Variants in RBFOX1 observed in about 807,000 individuals in gnomAD.
The protein encoded by RBFOX1 is RNA binding protein fox-1 homolog 1.
Under a neutral mutation model 57.7 loss-of-function variants are expected in RBFOX1, and 8 were observed. The observed-to-expected ratio is 0.14, with a 90% CI of 0.08 to 0.25. RBFOX1 has a LOEUF of 0.25. RBFOX1 is among the 10% of genes least tolerant of loss of function. The probability of loss-of-function intolerance (pLI) is 1.00; values close to 1 mark genes in which losing one functional copy is unlikely to be tolerated. For missense variants in RBFOX1, 611 were observed against 548.5 expected, an observed-to-expected ratio of 1.11 and a Z score of -1.14; for synonymous variants, 326 against 222.4, an observed-to-expected ratio of 1.47 and a Z score of -4.15.
chr16:7,608,186 G>A (rs1468293049), intron 10 of RBFOX1, among the ~76,000 whole-genome samples: 1 of 152,136 alleles, frequency 6.6e-6, no homozygotes. Flanking sequence ...TTGACCTAGA[G>A]CCACTCCCTT....
intron 3 of RBFOX1, among the ~76,000 whole-genome samples, chr16:5,809,748 A>C (rs965566915): frequency 1.3e-5 from 2 of 152,228 alleles, no homozygotes; most frequent in Non-Finnish European, 2.9e-5. Context: ...TAGTTCAACC[A>C]TTGTGGAAGT....
chr16:6,311,070 G>C (rs28496008), intron 1 of RBFOX1, among the ~76,000 whole-genome samples: 1 of 152,000 alleles, frequency 6.6e-6, no homozygotes, highest in African/African-American at 2.4e-5. Flanking sequence ...GCCAAGGCGG[G>C]CAAATCACAA....
chr16:6,530,129 T>C (rs991715007), intron 2 of RBFOX1, among the ~76,000 whole-genome samples: 7 of 152,196 alleles, frequency 4.6e-5, no homozygotes, highest in Admixed American at 2.0e-4. Context: ...GTGGTGTTTT[T>C]CTTTCCTCCC....
At chr16:7,130,408 C>T (rs541477867) in intron 4 of RBFOX1, among the ~76,000 whole-genome samples, 7 of 152,228 alleles carry the variant, frequency 4.6e-5, no homozygotes, top group East Asian at 1.9e-4. Context: ...ATTCTCTGAG[C>T]GTATTCACAT....
chr16:6,888,565 G>C (rs1044874949), intron 3 of RBFOX1, among the ~76,000 whole-genome samples: 1 of 151,928 alleles, frequency 6.6e-6, no homozygotes, highest in South Asian at 2.1e-4. Flanking sequence ...TTTGTCCTCT[G>C]GGTAAAATAT....
intron 3 of RBFOX1, among the ~76,000 whole-genome samples, chr16:6,971,602 A>G (rs1031978977): frequency 1.3e-5 from 2 of 152,156 alleles, no homozygotes; most frequent in South Asian, 4.2e-4. Flanking sequence ...TGTTACATGG[A>G]ATATGGTGTA....
At chr16:6,553,821 C>T (rs1324277921) in intron 2 of RBFOX1, among the ~76,000 whole-genome samples, 1 of 152,076 alleles carries the variant, frequency 6.6e-6, no homozygotes, top group East Asian at 1.9e-4. Flanking sequence ...AGACAGCAAC[C>T]CGTGGATGGT....
At chr16:5,492,558 A>G (rs1322953804) in intron 2 of RBFOX1, among the ~76,000 whole-genome samples, 4 of 152,188 alleles carry the variant, frequency 2.6e-5, no homozygotes, top group South Asian at 4.1e-4. Context: ...GTGACAGAAC[A>G]TTTTAAGCAG....
chr16:7,511,248 G>T (rs2075003009), intron 4 of RBFOX1, among the ~76,000 whole-genome samples: 1 of 152,158 alleles, frequency 6.6e-6, no homozygotes. Context: ...TGAGCCAAAA[G>T]GTTTTGCAAA....
chr16:6,939,724 C>T (rs1389286009), intron 3 of RBFOX1, among the ~76,000 whole-genome samples: 1 of 151,984 alleles, frequency 6.6e-6, no homozygotes, highest in Non-Finnish European at 1.5e-5. Flanking sequence ...GTTGGCCGGG[C>T]TGGTCTCAGA....
intron 2 of RBFOX1, among the ~76,000 whole-genome samples, chr16:6,540,906 C>T (rs1209687871): frequency 6.6e-6 from 1 of 152,096 alleles, no homozygotes; most frequent in Non-Finnish European, 1.5e-5. Context: ...TGTCGTTTCT[C>T]TGACTTCTTG....
chr16:7,131,392 C>G (rs1269104754), intron 4 of RBFOX1, among the ~76,000 whole-genome samples: 1 of 103,388 alleles, frequency 9.7e-6, no homozygotes, highest in Non-Finnish European at 1.8e-5. Context: ...ATCATAGGTT[C>G]TGCTTAGTCA....
intron 3 of RBFOX1, among the ~76,000 whole-genome samples, chr16:6,714,276 C>A (rs1480429342): frequency 6.6e-6 from 1 of 152,096 alleles, no homozygotes; most frequent in Non-Finnish European, 1.5e-5. Flanking sequence ...TATAAATGAC[C>A]CAGTCTCAGG....
intron 6 of RBFOX1, among the ~76,000 whole-genome samples, chr16:7,583,982 G>C (rs1391620823): frequency 3.3e-5 from 5 of 152,192 alleles, no homozygotes; most frequent in African/African-American, 4.8e-5. Flanking sequence ...AGACGGGCTT[G>C]CCTGTACTTA....
At chr16:5,881,991 C>G (rs903187835) in intron 4 of RBFOX1, among the ~76,000 whole-genome samples, 4 of 152,190 alleles carry the variant, frequency 2.6e-5, no homozygotes, top group Non-Finnish European at 5.9e-5. Flanking sequence ...GGTTTATTAT[C>G]TTCTGAGTAT....
chr16:6,212,864 A>G (rs553345939), intron 1 of RBFOX1, among the ~76,000 whole-genome samples: 42 of 152,360 alleles, frequency 2.8e-4, no homozygotes, highest in South Asian at 6.2e-4. Flanking sequence ...AGGTAAGAAG[A>G]AGAGACCAAT....
intron 1 of RBFOX1, among the ~76,000 whole-genome samples, chr16:5,346,381 A>C (rs889275188): frequency 6.6e-6 from 1 of 152,224 alleles, no homozygotes; most frequent in Admixed American, 6.5e-5. Context: ...CAGGAGAGGG[A>C]AAACGAGGGA....
At chr16:7,150,661 T>C (rs2075937317) in intron 4 of RBFOX1, among the ~76,000 whole-genome samples, 1 of 152,238 alleles carries the variant, frequency 6.6e-6, no homozygotes, top group African/African-American at 2.4e-5. Context: ...GGAAGAATTA[T>C]TGAAAAGTAA....
intron 3 of RBFOX1, among the ~76,000 whole-genome samples, chr16:6,939,519 T>C (rs543968227): frequency 1.3e-5 from 2 of 151,816 alleles, no homozygotes; most frequent in South Asian, 2.1e-4. Flanking sequence ...TTTTTTTTTT[T>C]CTTTTTTTTG....
Sources: gnomAD v4.1 joint callset for allele counts (sites outside exome capture counted in the v4.1 genomes callset) on GRCh38, gnomAD v4.1.1 for gene constraint, MANE v1.5 for transcripts, NCBI Gene and HGNC (gene_info 2026-07-23, HGNC 2026-07-21) for gene names.